RPS18: variants seen among roughly 807,000 people sequenced by gnomAD.
RPS18 encodes ribosomal protein S18.
For synonymous variants in RPS18, 64 were observed against 70.9 expected (o/e 0.90, Z 0.49); for missense variants, 49 against 200.8 (o/e 0.24, Z 4.57).
intron 2 of RPS18, among the ~76,000 whole-genome samples, chr6:33,273,486 A>T (rs1765407364): frequency 1.3e-5 from 2 of 151,962 alleles, no homozygotes; most frequent in Non-Finnish European, 2.9e-5. Context: ...CTTCTGTTGC[A>T]TGGTAGGTAC....
intron 1 of RPS18, 179 bp downstream of exon 1, chr6:33,272,301 A>T: frequency 1.4e-6 from 1 of 718,928 alleles, no homozygotes; most frequent in South Asian, 1.8e-5. Context: ...GGCCCGAGGA[A>T]GGGTCACTGC....
In RPS18 at chr6:33,275,859, G is replaced by A. The variant is rs933755117; in HGVS notation, c.165G>A (p.Arg55=). ...AAGCAGACATTGACCTCACCAAGAG[G>A]GCGGGAGAACTCACTGAGGATGAGG... ...LRKADIDLTK[R]AGELTEDEVE... The change falls in exon 3 of 6, where the codon AGG becomes AGA. Residue 55 remains arginine (R), a synonymous_variant. Coordinates refer to ENST00000439602, the MANE Select transcript of RPS18 (RefSeq NM_022551.3). 4.3e-6 allele frequency: 7 copies of A among 1,613,420 alleles called. No individual in the cohort carries two copies. Among genetic ancestry groups the A allele is most frequent in the African/African-American group, 1.3e-5 (1 of 75,000 alleles).
At chr6:33,273,125 C>T (rs888872550) in intron 2 of RPS18, among the ~76,000 whole-genome samples, 1 of 152,110 alleles carries the variant, frequency 6.6e-6, no homozygotes, top group African/African-American at 2.4e-5. Context: ...GATTATTGGG[C>T]ATCTTGAGGG....
intron 5 of RPS18, 48 bp from the exon 6 acceptor site, chr6:33,276,343 T>C (rs749187086): frequency 4.4e-6 from 7 of 1,608,716 alleles, no homozygotes; most frequent in Non-Finnish European, 6.0e-6. Flanking sequence ...TCCCCAACCT[T>C]TTGTTTCTGC....
chr6:33,275,742 A>G (rs575614539), intron 2 of RPS18, 55 bp from the exon 3 acceptor site: 2 of 1,147,020 alleles, frequency 1.7e-6, no homozygotes, highest in African/African-American at 3.0e-5. Context: ...TGAGGCTATA[A>G]AGGAATTTAA....
chr6:33,275,679 T>G lies in RPS18; in HGVS notation c.103-118T>G, dbSNP rs537869269. 6.5e-6 allele frequency: 5 copies of G among 766,090 alleles called. No individual in the cohort carries two copies. The South Asian group carries it at 7.5e-5, about 11-fold the overall frequency. The allele number at this position is 766,090 out of a possible 1,614,324, so 47.5% of individuals were successfully genotyped here. On this transcript the variant is annotated intron_variant, in intron 2 of 5. Coordinates refer to ENST00000439602, the MANE Select transcript of RPS18 (RefSeq NM_022551.3). ...AAAGGTGGGTGAGGAAAGGGTGACC[T>G]AGGGGATTGCAAAATAGATTATTGC...
intron 1 of RPS18, 36 bp downstream of exon 1, chr6:33,272,158 C>T (rs1415753630): frequency 2.6e-6 from 4 of 1,555,522 alleles, no homozygotes; most frequent in Non-Finnish European, 3.5e-6. Context: ...CCAGCGGCAT[C>T]GCAGCTCGGG....
intron 2 of RPS18, 109 bp downstream of exon 2, chr6:33,272,835 T>C: frequency 1.2e-5 from 9 of 733,606 alleles, no homozygotes; most frequent in South Asian, 9.9e-5. Context: ...CCAGATCACC[T>C]TGACTGCTGG....
rs1386316696 is a variant in RPS18, at chr6:33,276,252, T to A, written c.368T>A (p.Leu123Gln). 1 of 1,614,062 alleles carries A rather than the reference T, an allele frequency of 6.2e-7. No individual in the cohort carries two copies. The highest frequency in any genetic ancestry group is 8.5e-7 in the Non-Finnish European group (1 of 1,179,940). Residue 123 changes from leucine (L) to glutamine (Q), a missense_variant, in exon 5 of 6, where the codon CTG (leucine) becomes CAG (glutamine). Physicochemically the swap from Leu to Gln is moderately radical, Grantham distance 113. Coordinates refer to ENST00000439602, the MANE Select transcript of RPS18 (RefSeq NM_022551.3). ...AAGAAGATTCGGGCCCATAGAGGGC[T>A]GCGTCACTTCTGGGGGTGAGTGGGG... ...RLKKIRAHRGLRHFWGLRVRG... is the reference protein window; with the variant it reads ...RLKKIRAHRGQRHFWGLRVRG...
At chr6:33,272,153 G>A in intron 1 of RPS18, 31 bp downstream of exon 1, 3 of 1,556,820 alleles carry the variant, frequency 1.9e-6, no homozygotes, top group Admixed American at 1.9e-5. Context: ...GTGATCCAGC[G>A]GCATCGCAGC....
rs911880383 is a variant in RPS18, at chr6:33,272,106, C to A, written c.-14C>A. On this transcript the variant is annotated 5_prime_UTR_variant, in exon 1 of 6. Transcript: ENST00000439602. Reference sequence around the variant, plus strand: ...TCCACAGGAGGCCTACACGCCGCCGCTTGTGCTGCAGCCATGGTAAGACTG... The same window carrying A: ...TCCACAGGAGGCCTACACGCCGCCGATTGTGCTGCAGCCATGGTAAGACTG... The A allele has an allele frequency of 3.8e-6, 6 of 1,567,646 alleles. No individual in the cohort carries two copies. The highest frequency in any genetic ancestry group is 1.9e-5 in the Admixed American group (1 of 53,642).
chr6:33,276,332 T>A (rs1402863733), intron 5 of RPS18, 59 bp from the exon 6 acceptor site: 2 of 1,608,148 alleles, frequency 1.2e-6, no homozygotes, highest in Non-Finnish European at 1.7e-6. Flanking sequence ...GCTCTTCTTT[T>A]TCCCCAACCT....
intron 2 of RPS18, among the ~76,000 whole-genome samples, chr6:33,273,636 C>T (rs757275456): frequency 6.6e-6 from 1 of 152,172 alleles, no homozygotes; most frequent in Non-Finnish European, 1.5e-5. Flanking sequence ...CAGAGACCGG[C>T]TGTGAGGCTT....
At chr6:33,275,709 C>A in intron 2 of RPS18, 88 bp from the exon 3 acceptor site, 1 of 882,606 alleles carries the variant, frequency 1.1e-6, no homozygotes, top group Non-Finnish European at 1.9e-6. Context: ...TATTGCAGAT[C>A]CTACCTTTGT....
At chr6:33,274,126 C>T (rs1307414985) in intron 2 of RPS18, among the ~76,000 whole-genome samples, 1 of 152,202 alleles carries the variant, frequency 6.6e-6, no homozygotes, top group African/African-American at 2.4e-5. Flanking sequence ...CCATGTTGGT[C>T]AAACTGGTCT....
intron 2 of RPS18, chr6:33,275,343 C>T (rs751739385): frequency 2.4e-5 from 4 of 167,604 alleles, no homozygotes; most frequent in African/African-American, 7.2e-5. Context: ...TTTTTTGAGA[C>T]GGGGTCTCAC....
chr6:33,275,443 G>A (rs1765564539), intron 2 of RPS18: 1 of 270,252 alleles, frequency 3.7e-6, no homozygotes, highest in Non-Finnish European at 7.2e-6. Flanking sequence ...AGCCTCCCAA[G>A]TAGCTGGGAT....
intron 2 of RPS18, chr6:33,275,185 T>C (rs1175785645): frequency 6.5e-6 from 1 of 154,238 alleles, no homozygotes; most frequent in Admixed American, 6.5e-5. Context: ...TTCTCCTAAA[T>C]GCAAGAATCA....
intron 2 of RPS18, 21 bp from the exon 3 acceptor site, chr6:33,275,776 G>C: frequency 6.5e-7 from 1 of 1,527,784 alleles, no homozygotes; most frequent in Non-Finnish European, 9.1e-7. Flanking sequence ...CACTAATTCC[G>C]AAACCCCTCA....
Sources: gnomAD v4.1 joint callset for allele counts (sites outside exome capture counted in the v4.1 genomes callset) on GRCh38, gnomAD v4.1.1 for gene constraint, MANE v1.5 for transcripts, NCBI Gene and HGNC (gene_info 2026-07-23, HGNC 2026-07-21) for gene names.